Variants in MCF2L2 observed in about 807,000 individuals in gnomAD.
MCF2L2 encodes the protein MCF.2 cell line derived transforming sequence-like 2.
Under a neutral mutation model 150.2 loss-of-function variants are expected in MCF2L2, and 102 were observed. The observed-to-expected ratio is 0.68, with a 90% CI of 0.58 to 0.80. The LOEUF (loss-of-function observed/expected upper bound fraction) is 0.80, where lower values mean the gene tolerates loss of function less well. MCF2L2 is among the 30% of genes least tolerant of loss of function. The probability of loss-of-function intolerance (pLI) is 0.00; values close to 1 mark genes in which losing one functional copy is unlikely to be tolerated. For synonymous variants in MCF2L2, 465 were observed against 491.3 expected (o/e 0.95, Z 0.71); for missense variants, 1,256 against 1,372.8 (o/e 0.91, Z 1.34).
chr3:183,264,353 C>T (rs1017781177), intron 15 of MCF2L2, among the ~76,000 whole-genome samples: 6 of 152,248 alleles, frequency 3.9e-5, no homozygotes, highest in African/African-American at 2.4e-5. Flanking sequence ...GTCCCAGAGA[C>T]TTCCCTCTTG....
chr3:183,415,627 T>A (rs1440241186), intron 1 of MCF2L2, among the ~76,000 whole-genome samples: 1 of 152,244 alleles, frequency 6.6e-6, no homozygotes, highest in African/African-American at 2.4e-5. Context: ...TCCTTGTGTA[T>A]CTCTAGTGAC....
intron 10 of MCF2L2, among the ~76,000 whole-genome samples, chr3:183,304,768 C>T (rs1729022143): frequency 6.6e-6 from 1 of 151,818 alleles, no homozygotes; most frequent in Non-Finnish European, 1.5e-5. Flanking sequence ...GCCACCGCGC[C>T]TGGTCTGGGC....
chr3:183,220,202 A>G (rs753517523), intron 20 of MCF2L2, among the ~76,000 whole-genome samples: 7 of 152,108 alleles, frequency 4.6e-5, no homozygotes, highest in Non-Finnish European at 1.0e-4. Flanking sequence ...TTTCTAAAAT[A>G]TGGGCTTTGA....
At chr3:183,183,917 A>AAC (rs35802540) in intron 27 of MCF2L2, among the ~76,000 whole-genome samples, 2,476 of 151,196 alleles carry the variant, frequency 0.016, 70 homozygotes, top group African/African-American at 0.056. Context: ...AAACAGAGCA[A>AAC]ACACACACAC....
Position 183,187,315 on chromosome 3 carries a change from A to G in MCF2L2, c.3016+5684T>C, listed in dbSNP as rs571203703. 3.3e-5 allele frequency among the ~76,000 whole-genome samples: 5 copies of G among 152,332 alleles called. No homozygotes were observed. The South Asian group carries it at 1.0e-3, about 32-fold the overall frequency. ...CTGGCAGACAGGTTCTTCCTCTGTT[A>G]GCTCTGAGGTACAACAGTTATTCTC... On this transcript the variant is annotated intron_variant, in intron 27 of 29. Transcript: ENST00000328913.
intron 3 of MCF2L2, among the ~76,000 whole-genome samples, chr3:183,359,470 A>C (rs909595166): frequency 6.6e-6 from 1 of 152,040 alleles, no homozygotes; most frequent in African/African-American, 2.4e-5. Flanking sequence ...TTCTGCTCAC[A>C]CTCCAGCTGA....
At chr3:183,341,950 T>G (rs973094952) in intron 3 of MCF2L2, among the ~76,000 whole-genome samples, 1 of 152,130 alleles carries the variant, frequency 6.6e-6, no homozygotes, top group Non-Finnish European at 1.5e-5. Context: ...CGGAGGACCT[T>G]GAGGTTGAGC....
intron 2 of MCF2L2, among the ~76,000 whole-genome samples, chr3:183,387,365 A>G (rs896352834): frequency 6.6e-6 from 1 of 152,100 alleles, no homozygotes; most frequent in Non-Finnish European, 1.5e-5. Flanking sequence ...GTACCTTCCT[A>G]AAGCAGAAGT....
intron 15 of MCF2L2, among the ~76,000 whole-genome samples, chr3:183,261,553 A>G (rs1276869062): frequency 2.0e-5 from 3 of 152,206 alleles, no homozygotes; most frequent in Non-Finnish European, 2.9e-5. Context: ...TATATAGTCT[A>G]CTTTCTAAGC....
At chr3:183,362,999 A>C (rs1712304940) in intron 3 of MCF2L2, among the ~76,000 whole-genome samples, 1 of 152,226 alleles carries the variant, frequency 6.6e-6, no homozygotes, top group Admixed American at 6.5e-5. Context: ...CCTAAACAGC[A>C]CCTTACTAAA....
intron 12 of MCF2L2, chr3:183,296,710 CCTCAGCA>C: frequency 2.8e-6 from 1 of 357,258 alleles, no homozygotes; most frequent in Non-Finnish European, 5.1e-6. Flanking sequence ...ATCATGGTAT[CCTCAGCA>C]CTCAGCACAG....
chr3:183,398,759 A>G (rs1714594030), intron 1 of MCF2L2, among the ~76,000 whole-genome samples: 1 of 152,158 alleles, frequency 6.6e-6, no homozygotes, highest in Non-Finnish European at 1.5e-5. Context: ...TATCTCATGA[A>G]TATAACGTGG....
At chr3:183,366,211 AT>A (rs771150883) in intron 3 of MCF2L2, among the ~76,000 whole-genome samples, 11 of 152,318 alleles carry the variant, frequency 7.2e-5, no homozygotes, top group African/African-American at 2.2e-4. Flanking sequence ...AAGGATTAGC[AT>A]TGTTATCAGT....
At chr3:183,286,253 T>G (rs1440162611) in intron 14 of MCF2L2, among the ~76,000 whole-genome samples, 1 of 152,144 alleles carries the variant, frequency 6.6e-6, no homozygotes, top group Non-Finnish European at 1.5e-5. Flanking sequence ...TCACAGCTAT[T>G]TTTTTTCTCG....
Position 183,348,277 on chromosome 3 carries a change from T to A in MCF2L2, c.276-6647A>T, listed in dbSNP as rs562930767. Among the ~76,000 whole-genome samples the A allele has an allele frequency of 3.3e-5, 5 of 152,178 alleles. No homozygotes were observed. The South Asian group carries it at 1.0e-3, about 32-fold the overall frequency. On this transcript the variant is annotated intron_variant, in intron 3 of 29. Transcript: ENST00000328913. The stretch of plus-strand genomic sequence containing the variant: ...GGGACATGGATGAAGCTGGAAACCA[T>A]CATTCTTAGCAAACTAACACAGGAA...
At chr3:183,196,587 C>T (rs773265529) in intron 25 of MCF2L2, among the ~76,000 whole-genome samples, 1 of 152,136 alleles carries the variant, frequency 6.6e-6, no homozygotes, top group African/African-American at 2.4e-5. Context: ...CCCGCTCACT[C>T]ACCATCCACT....
At chr3:183,228,026 T>TACACACACACACACACAA in intron 18 of MCF2L2, 1 of 139,230 alleles carries the variant, frequency 7.2e-6, no homozygotes, top group Admixed American at 9.9e-5. Context: ...TATATATACA[T>TACACACACACACACACAA]ATACACACAC....
rs2293203 is a variant in MCF2L2 at position 183,300,177 on chromosome 3, T to C, written c.1133A>G (p.Gln378Arg). Residue 378 changes from glutamine (Q) to arginine (R), a missense_variant, in exon 11 of 30, where the codon CAG becomes CGG. Gln to Arg is a conservative substitution (Grantham distance 43). Coordinates refer to ENST00000328913, the MANE Select transcript of MCF2L2 (RefSeq NM_015078.4). Reference sequence around the variant, plus strand: ...CTGGTCCCCAACCAGTGCCAGCAGCTGGGCCTTTTCCAGGGGCTCCTGCAA... The same window carrying C: ...CTGGTCCCCAACCAGTGCCAGCAGCCGGGCCTTTTCCAGGGGCTCCTGCAA... ...EKSQEPLEKAQLLALVGDQLI... is the reference protein window; with the variant it reads ...EKSQEPLEKARLLALVGDQLI... 6.2e-7 allele frequency: 1 copy of C among 1,603,892 alleles called. No individual in the cohort carries two copies. Among genetic ancestry groups the C allele is most frequent in the Non-Finnish European group, 8.5e-7 (1 of 1,177,474 alleles).
chr3:183,324,053 G>C (rs1249175640), intron 5 of MCF2L2, among the ~76,000 whole-genome samples: 2 of 152,150 alleles, frequency 1.3e-5, no homozygotes, highest in African/African-American at 4.8e-5. Flanking sequence ...TCTACCATGA[G>C]AAGCCCAATC....
Sources: allele counts gnomAD v4.1 joint callset (sites outside exome capture counted in the v4.1 genomes callset), GRCh38; gene constraint gnomAD v4.1.1; transcripts MANE v1.5; gene names NCBI Gene and HGNC (gene_info 2026-07-23, HGNC 2026-07-21).